FABP9: variants seen among roughly 807,000 people sequenced by gnomAD.
FABP9 encodes the protein fatty acid-binding protein 9.
A neutral mutation model predicts 14.7 loss-of-function variants in FABP9; 11 were observed. That is an observed-to-expected ratio of 0.75 (90% CI 0.47 to 1.24). The LOEUF (loss-of-function observed/expected upper bound fraction) is 1.24. Among genes scored for constraint, FABP9 ranks in the 50% most tolerant of loss-of-function variants. The probability of loss-of-function intolerance (pLI) is 0.00; values close to 1 mark genes in which losing one functional copy is unlikely to be tolerated. For missense variants in FABP9, 171 were observed against 158.2 expected (o/e 1.08, Z -0.44); for synonymous variants, 54 against 50.6 (o/e 1.07, Z -0.29).
Position 81,458,434 on chromosome 8 carries a change from C to T in FABP9, c.349-1G>A, listed in dbSNP as rs768459707. 1 of 1,611,308 alleles carries T rather than the reference C, an allele frequency of 6.2e-7. No homozygotes were observed. Among genetic ancestry groups the T allele is most frequent in the Admixed American group, 1.7e-5 (1 of 59,978 alleles). On this transcript the variant is annotated splice_acceptor_variant, in intron 3 of 3. Coordinates refer to ENST00000379071, the MANE Select transcript of FABP9 (RefSeq NM_001080526.2). LOFTEE classifies it high-confidence loss of function. ...TGACAATATTATTCATTTTACATTC[C>T]TAAAAGCAAAGAGGAATCTATTAGA... is the stretch of plus-strand genomic sequence containing the variant.
chr8:81,460,226 C>T (rs1807670616), intron 1 of FABP9, among the ~76,000 whole-genome samples: 3 of 152,202 alleles, frequency 2.0e-5, no homozygotes, highest in Admixed American at 6.5e-5. Context: ...TCTCGAACTC[C>T]TGACCTCAGG....
At position 81,459,341 on chromosome 8, in the gene FABP9, C is replaced by A; in HGVS notation, c.74-4G>T. On this transcript the variant is annotated splice_region_variant and splice_polypyrimidine_tract_variant and intron_variant, in intron 1 of 3. Transcript: ENST00000379071. Reference sequence around the variant, plus strand: ...TTCCGGGCTGCGAAATTCACTCCTACAAGACAGAGATAGCCTTGGACCTTA... The same window carrying A: ...TTCCGGGCTGCGAAATTCACTCCTAAAAGACAGAGATAGCCTTGGACCTTA... The A allele has an allele frequency of 6.6e-7, 1 of 1,518,618 alleles. No homozygotes were observed. The highest frequency in any genetic ancestry group is 8.7e-7 in the Non-Finnish European group (1 of 1,144,318). 94.1% of individuals were successfully genotyped at this position (1,518,618 alleles called of 1,614,324 possible). A position where few individuals can be genotyped will look rare whatever the true frequency, so the allele number is the denominator to read the frequency against.
At chr8:81,461,313 G>C in intron 1 of FABP9, 138 bp downstream of exon 1, 1 of 679,894 alleles carries the variant, frequency 1.5e-6, no homozygotes, top group South Asian at 1.8e-5. Context: ...AGCAAAAGTA[G>C]AAGCATACAT....
chr8:81,458,908 T>A (rs1563522276), intron 2 of FABP9, among the ~76,000 whole-genome samples: 1 of 152,226 alleles, frequency 6.6e-6, no homozygotes, highest in Non-Finnish European at 1.5e-5. Flanking sequence ...ATAAGCTATT[T>A]GTGTTTAGTT....
At position 81,459,346 on chromosome 8, in the gene FABP9, C is replaced by G; in HGVS notation, c.74-9G>C. ...GGCTGCGAAATTCACTCCTACAAGA[C>G]AGAGATAGCCTTGGACCTTATTAAG... On this transcript the variant is annotated splice_polypyrimidine_tract_variant and intron_variant, in intron 1 of 3. Coordinates refer to ENST00000379071, the MANE Select transcript of FABP9 (RefSeq NM_001080526.2). 1 of 1,513,810 alleles carries G rather than the reference C, an allele frequency of 6.6e-7. No homozygotes were observed. The highest frequency in any genetic ancestry group is 1.4e-5 in the South Asian group (1 of 72,898). The allele number at this position is 1,513,810 out of a possible 1,614,324, so 93.8% of individuals were successfully genotyped here.
chr8:81,458,838 T>C (rs1225711083), intron 2 of FABP9, 135 bp from the exon 3 acceptor site: 9 of 661,952 alleles, frequency 1.4e-5, no homozygotes, highest in Non-Finnish European at 2.3e-5. Context: ...GATGTAGTAC[T>C]ATCAAACTAG....
intron 3 of FABP9, 24 bp downstream of exon 3, chr8:81,458,578 G>A: frequency 6.4e-7 from 1 of 1,551,728 alleles, no homozygotes; most frequent in Non-Finnish European, 8.9e-7. Context: ...AACATATAAA[G>A]ACTTCAATTT....
At chr8:81,460,285 C>T (rs1055546193) in intron 1 of FABP9, among the ~76,000 whole-genome samples, 1 of 152,188 alleles carries the variant, frequency 6.6e-6, no homozygotes, top group East Asian at 1.9e-4. Context: ...GAGGCCTGAG[C>T]CACTGTACCC....
chr8:81,460,429 A>G (rs979977612), intron 1 of FABP9, among the ~76,000 whole-genome samples: 10 of 152,078 alleles, frequency 6.6e-5, no homozygotes, highest in African/African-American at 2.2e-4. Context: ...TACTCTGGCC[A>G]TAAGGCCCAA....
intron 1 of FABP9, among the ~76,000 whole-genome samples, chr8:81,461,159 A>T (rs1374286350): frequency 6.6e-6 from 1 of 152,212 alleles, no homozygotes; most frequent in Non-Finnish European, 1.5e-5. Context: ...GAAATGACCA[A>T]GCTAAAATGA....
chr8:81,459,046 C>A, intron 2 of FABP9, 119 bp downstream of exon 2: 1 of 828,550 alleles, frequency 1.2e-6, no homozygotes, highest in Non-Finnish European at 1.9e-6. Context: ...TAGAGATGTG[C>A]GACTATTAAC....
At chr8:81,461,217 G>T (rs1458427885) in intron 1 of FABP9, among the ~76,000 whole-genome samples, 2 of 152,102 alleles carry the variant, frequency 1.3e-5, no homozygotes, top group African/African-American at 2.4e-5. Context: ...GGATAAATGG[G>T]CTTAAATATA....
Position 81,460,515 on chromosome 8 carries a change from T to C in FABP9, c.73+936A>G, listed in dbSNP as rs189513620. ...TCTATGAAGAGACAGAAAAACTTGT[T>C]TCTTATGACCCTCTGAGAAAGTGAA... On this transcript the variant is annotated intron_variant, in intron 1 of 3. Coordinates refer to ENST00000379071, the MANE Select transcript of FABP9 (RefSeq NM_001080526.2). Among the ~76,000 whole-genome samples, 207 of 152,342 alleles carry C rather than the reference T, an allele frequency of 1.4e-3. 5 individuals carry two copies. The highest frequency in any genetic ancestry group is 0.013 in the Admixed American group (197 of 15,294).
At position 81,458,693 on chromosome 8, in the gene FABP9, G is replaced by A. The variant is rs575946485; in HGVS notation, c.257C>T (p.Thr86Ile). The A allele has an allele frequency of 3.5e-5, 56 of 1,612,380 alleles. No homozygotes were observed. The South Asian group carries it at 5.6e-4, about 16-fold the overall frequency. The part of the protein sequence containing the change: ...ADNRKVKSTI[T>I]LENGSMIHVQ... Reference sequence around the variant, plus strand: ...GTGAATCATTGAGCCATTCTCTAATGTTATGGTGCTCTATAAATGCATAAA... The same window carrying A: ...GTGAATCATTGAGCCATTCTCTAATATTATGGTGCTCTATAAATGCATAAA... Residue 86 changes from threonine to isoleucine, a missense_variant, in exon 3 of 4, where the codon ACA (threonine) becomes ATA (isoleucine). Transcript: ENST00000379071.
intron 1 of FABP9, among the ~76,000 whole-genome samples, chr8:81,459,793 G>A (rs1352079781): frequency 6.6e-6 from 1 of 152,162 alleles, no homozygotes; most frequent in Non-Finnish European, 1.5e-5. Flanking sequence ...TTTAGATTGT[G>A]GAACTGATAT....
intron 1 of FABP9, among the ~76,000 whole-genome samples, chr8:81,459,765 A>C (rs532986653): frequency 6.6e-6 from 1 of 152,170 alleles, no homozygotes; most frequent in Non-Finnish European, 1.5e-5. Flanking sequence ...CTGTCCTGAT[A>C]TCAAACTCCA....
Position 81,459,213 on chromosome 8 carries a change from C to G in FABP9, c.198G>C (p.Lys66Asn). Residue 66 changes from lysine to asparagine, a missense_variant, in exon 2 of 4, where the codon AAG (lysine) becomes AAC (asparagine). By Grantham distance (94) the Lys-to-Asn change is moderately conservative. Coordinates refer to ENST00000379071, the MANE Select transcript of FABP9 (RefSeq NM_001080526.2). ...TAGTTTCATCAAATTCTTCCCCCAG[C>G]TTGAAGGAGATCTTAGTGTCCTGGA... ...SSFQDTKISF[K>N]LGEEFDETTA... 6.3e-7 allele frequency: 1 copy of G among 1,593,384 alleles called. No homozygotes were observed.
intron 2 of FABP9, 148 bp from the exon 3 acceptor site, chr8:81,458,851 G>A (rs889073566): frequency 1.7e-5 from 11 of 639,670 alleles, no homozygotes; most frequent in Admixed American, 3.1e-5. Flanking sequence ...CAAACTAGAA[G>A]TCTCAAGAGA....
intron 1 of FABP9, among the ~76,000 whole-genome samples, chr8:81,459,876 G>A (rs1807661804): frequency 6.6e-6 from 1 of 152,120 alleles, no homozygotes; most frequent in Non-Finnish European, 1.5e-5. Flanking sequence ...TAAAACCCAG[G>A]CTCTAACTTG....
Sources: allele counts gnomAD v4.1 joint callset (sites outside exome capture counted in the v4.1 genomes callset), GRCh38; gene constraint gnomAD v4.1.1; transcripts MANE v1.5; gene names NCBI Gene and HGNC (gene_info 2026-07-23, HGNC 2026-07-21).